PCSK2: variants seen among roughly 807,000 people sequenced by gnomAD.
PCSK2 encodes neuroendocrine convertase 2.
PCSK2 carries 14 observed loss-of-function variants against 69.7 expected under a neutral mutation model. The observed-to-expected ratio is 0.20, with a 90% CI of 0.13 to 0.31. The LOEUF is 0.31. Ranked by LOEUF, PCSK2 falls within the 10% of genes least tolerant of loss-of-function variation. The pLI, the probability that PCSK2 is intolerant of heterozygous loss-of-function variation, is 1.00. For synonymous variants in PCSK2, 307 were observed against 320.7 expected (o/e 0.96, Z 0.46); for missense variants, 544 against 842.5 (o/e 0.65, Z 4.39).
intron 2 of PCSK2, among the ~76,000 whole-genome samples, chr20:17,269,634 G>A (rs938500145): frequency 6.6e-6 from 1 of 152,114 alleles, no homozygotes; most frequent in African/African-American, 2.4e-5. Context: ...GTGCTTTAAA[G>A]CAGCAGGAGG....
chr20:17,463,378 T>C (rs1186899979), intron 10 of PCSK2: 3 of 152,166 alleles, frequency 2.0e-5, no homozygotes, highest in Non-Finnish European at 4.4e-5. Flanking sequence ...TAAGGAACTT[T>C]TACACCATTT....
rs188398673 is a variant in PCSK2 at position 17,482,809 on chromosome 20, G to T, written c.*739G>T. The T allele has an allele frequency of 2.0e-5, 3 of 152,386 alleles. No individual in the cohort carries two copies. Among genetic ancestry groups the T allele is most frequent in the African/African-American group, 7.2e-5 (3 of 41,404 alleles). 9.4% of individuals were successfully genotyped at this position (152,386 alleles called of 1,614,324 possible). ...GCTGCTCTGAGTTATGTTAAAATCC[G>T]CTAGAGCAGCCCAAATTTTTCTCAG... On this transcript the variant is annotated 3_prime_UTR_variant, in exon 12 of 12. Coordinates refer to ENST00000262545, the MANE Select transcript of PCSK2 (RefSeq NM_002594.5).
In PCSK2 at chr20:17,260,255, G is replaced by A. The variant is rs768871759; in HGVS notation, c.193G>A (p.Gly65Ser). 5.6e-6 allele frequency: 9 copies of A among 1,611,874 alleles called. No homozygotes were observed. In the South Asian group the frequency reaches 8.8e-5, roughly 16 times the overall value. Residue 65 changes from glycine (G) to serine (S), a missense_variant, in exon 2 of 12, where the codon GGT becomes AGT. Gly to Ser is a moderately conservative substitution (Grantham distance 56, BLOSUM62 0). Around this residue, in one of 3 missense-constraint regions of PCSK2, gnomAD observed 157 missense variants for 155.0 expected, o/e 1.01. Transcript: ENST00000262545. ...FGVRKLPFAE[G>S]LYHFYHNGLA... is the part of the protein sequence containing the mutation. ...CTCTCCACAGCTTCCCTTTGCTGAA[G>A]GTCTGTACCACTTTTATCACAATGG...
intron 2 of PCSK2, among the ~76,000 whole-genome samples, chr20:17,314,279 TC>T (rs1357826619): frequency 2.0e-5 from 3 of 152,194 alleles, no homozygotes; most frequent in Non-Finnish European, 4.4e-5. Flanking sequence ...TCAGCGGGCA[TC>T]AACTTTGCAA....
intron 2 of PCSK2, among the ~76,000 whole-genome samples, chr20:17,324,800 C>T (rs1417509047): frequency 6.6e-6 from 1 of 152,160 alleles, no homozygotes; most frequent in Non-Finnish European, 1.5e-5. Context: ...AGGTCTCTTC[C>T]CCTACTTCAG....
At chr20:17,251,136 C>T (rs1168163142) in intron 1 of PCSK2, among the ~76,000 whole-genome samples, 5 of 152,138 alleles carry the variant, frequency 3.3e-5, no homozygotes, top group Non-Finnish European at 5.9e-5. Flanking sequence ...ATCCATAATG[C>T]TTCCTGCAAT....
intron 2 of PCSK2, among the ~76,000 whole-genome samples, chr20:17,277,017 T>A (rs1405173184): frequency 2.6e-5 from 4 of 152,104 alleles, no homozygotes; most frequent in African/African-American, 9.7e-5. Context: ...ACAAGGGATG[T>A]GAAGGACCTC....
intron 11 of PCSK2, among the ~76,000 whole-genome samples, chr20:17,466,341 C>T (rs1351917996): frequency 6.6e-6 from 1 of 152,164 alleles, no homozygotes; most frequent in Admixed American, 6.5e-5. Context: ...TTTGTGAGAT[C>T]CAGTCATGTT....
chr20:17,305,067 A>C (rs1989285289), intron 2 of PCSK2, among the ~76,000 whole-genome samples: 1 of 152,128 alleles, frequency 6.6e-6, no homozygotes, highest in Non-Finnish European at 1.5e-5. Flanking sequence ...CTACAGGTTG[A>C]GATTCAGTAC....
intron 1 of PCSK2, among the ~76,000 whole-genome samples, chr20:17,231,088 G>C (rs187735662): frequency 6.6e-6 from 1 of 152,272 alleles, no homozygotes; most frequent in African/African-American, 2.4e-5. Flanking sequence ...ACCTGTTGAA[G>C]ATTAACCAAA....
chr20:17,377,283 G>C (rs374827316), intron 5 of PCSK2, among the ~76,000 whole-genome samples: 23 of 152,180 alleles, frequency 1.5e-4, no homozygotes, highest in African/African-American at 5.1e-4. Flanking sequence ...CAACAGAAGT[G>C]ATCATAAGAG....
intron 5 of PCSK2, among the ~76,000 whole-genome samples, chr20:17,397,838 G>A (rs1488253751): frequency 6.6e-6 from 1 of 151,882 alleles, no homozygotes; most frequent in East Asian, 1.9e-4. Context: ...TGTTTTCTTT[G>A]GCTCATTAGA....
At chr20:17,395,056 CT>C (rs34350059) in intron 5 of PCSK2, among the ~76,000 whole-genome samples, 2,734 of 151,832 alleles carry the variant, frequency 0.018, 78 homozygotes, top group African/African-American at 0.063. Flanking sequence ...ATCTACTTAA[CT>C]TTTTTTTTCC....
At chr20:17,348,108 G>C (rs1600511610) in intron 2 of PCSK2, among the ~76,000 whole-genome samples, 1 of 146,784 alleles carries the variant, frequency 6.8e-6, no homozygotes, top group East Asian at 2.0e-4. Flanking sequence ...AGAAAGAAAA[G>C]AAAAGAAAGA....
chr20:17,320,857 G>A (rs1989842486), intron 2 of PCSK2, among the ~76,000 whole-genome samples: 1 of 152,190 alleles, frequency 6.6e-6, no homozygotes, highest in African/African-American at 2.4e-5. Context: ...AAAGGCTAGA[G>A]TCCTTCTGCC....
chr20:17,442,695 G>A (rs921981122), intron 8 of PCSK2, among the ~76,000 whole-genome samples: 2 of 152,220 alleles, frequency 1.3e-5, no homozygotes, highest in African/African-American at 4.8e-5. Flanking sequence ...TAGGGAGAGT[G>A]CTGTGCTGAA....
chr20:17,232,845 A>C (rs1986192036), intron 1 of PCSK2, among the ~76,000 whole-genome samples: 1 of 152,206 alleles, frequency 6.6e-6, no homozygotes, highest in African/African-American at 2.4e-5. Flanking sequence ...GAAAGATTTC[A>C]ATCTAAGAAG....
chr20:17,361,937 A>G (rs2030410279), intron 4 of PCSK2, among the ~76,000 whole-genome samples: 1 of 152,198 alleles, frequency 6.6e-6, no homozygotes, highest in African/African-American at 2.4e-5. Flanking sequence ...ACCCAGGAAA[A>G]CAATGCATCA....
Position 17,482,836 on chromosome 20 carries a change from T to C in PCSK2, c.*766T>C, listed in dbSNP as rs1011544536. On this transcript the variant is annotated 3_prime_UTR_variant, in exon 12 of 12. Transcript: ENST00000262545. ...TAGAGCAGCCCAAATTTTTCTCAGT[T>C]TGTATAGAGTTCATCCCAGCCCCAA... 6.6e-6 allele frequency: 1 copy of C among 152,360 alleles called. No individual in the cohort carries two copies. Among genetic ancestry groups the C allele is most frequent in the African/African-American group, 2.4e-5 (1 of 41,422 alleles). The allele number at this position is 152,360 out of a possible 1,614,324, so 9.4% of individuals were successfully genotyped here. A position where few individuals can be genotyped will look rare whatever the true frequency, so the allele number is the denominator to read the frequency against.
Sources: allele counts gnomAD v4.1 joint callset (sites outside exome capture counted in the v4.1 genomes callset), GRCh38; gene constraint gnomAD v4.1.1; regional missense constraint gnomAD v4.1.1; transcripts MANE v1.5; gene names NCBI Gene and HGNC (gene_info 2026-07-23, HGNC 2026-07-21).